CACFD1: variants seen among roughly 807,000 people sequenced by gnomAD.
The protein encoded by CACFD1 is calcium channel flower homolog.
CACFD1 carries 26 observed loss-of-function variants against 21.3 expected under a neutral mutation model. That is an observed-to-expected ratio of 1.22 (90% CI 0.89 to 1.69). The LOEUF is 1.69. Ranked by LOEUF, CACFD1 falls within the 40% of genes most tolerant of loss-of-function variation. CACFD1 has a pLI of 0.00. For synonymous variants in CACFD1, 121 were observed against 106.6 expected (o/e 1.13, Z -0.83); for missense variants, 265 against 236.2 (o/e 1.12, Z -0.80).
At chr9:133,463,633 T>C (rs1454870901) in intron 2 of CACFD1, 78 bp downstream of exon 2, 2 of 1,475,562 alleles carry the variant, frequency 1.4e-6, no homozygotes. Flanking sequence ...GACAGAGGAG[T>C]GGCAGGGGCC....
chr9:133,468,500 G>A, intron 4 of CACFD1, 63 bp from the exon 5 acceptor site: 3 of 1,546,460 alleles, frequency 1.9e-6, no homozygotes, highest in South Asian at 1.2e-5. Context: ...ACCGGGCAGT[G>A]GTCAGGAGGG....
Position 133,460,081 on chromosome 9 carries a change from T to G in CACFD1, c.15T>G (p.Gly5=), listed in dbSNP as rs28516935. ...ACGGTGGCACCATGAGCAGCTCAGG[T>G]GGGGCGCCCGGGGCGTCCGCCAGCT... MSSS[G]GAPGASASSA... is the part of the protein sequence containing the mutation. Residue 5 remains glycine, a synonymous_variant, in exon 1 of 5, where the codon GGT becomes GGG. Coordinates refer to ENST00000316948, the MANE Select transcript of CACFD1 (RefSeq NM_017586.5). The G allele has an allele frequency of 1.4e-5, 22 of 1,563,754 alleles. No individual in the cohort carries two copies. The highest frequency in any genetic ancestry group is 1.9e-5 in the Non-Finnish European group (22 of 1,154,386).
In CACFD1 at chr9:133,460,167, CTG is replaced by C. The variant is rs1843075752; in HGVS notation, c.102_103del (p.Val36AlafsTer39). The C allele has an allele frequency of 6.4e-7, 1 of 1,555,192 alleles. No individual in the cohort carries two copies. Among genetic ancestry groups the C allele is most frequent in the Non-Finnish European group, 8.7e-7 (1 of 1,149,924 alleles). On this transcript the variant is annotated frameshift_variant, in exon 1 of 5. Transcript: ENST00000316948. LOFTEE classifies it high-confidence loss of function. ...TGGTACCGCTGGCTGTGTCGCCTGT[CTG>C]GGGTGCTGGGGGCAGTCTGTGAGTA...
chr9:133,468,760 C>A lies in CACFD1; in HGVS notation c.*107C>A, dbSNP rs889917257. The A allele has an allele frequency of 1.4e-6, 2 of 1,441,882 alleles. No individual in the cohort carries two copies. The highest frequency in any genetic ancestry group is 2.9e-5 in the South Asian group (2 of 69,860). The allele number at this position is 1,441,882 out of a possible 1,614,324, so 89.3% of individuals were successfully genotyped here. On this transcript the variant is annotated 3_prime_UTR_variant, in exon 5 of 5. Coordinates refer to ENST00000316948, the MANE Select transcript of CACFD1 (RefSeq NM_017586.5). ...CACAGCCTGGAGAGGGGCCTTTGCA[C>A]GTGTCCCTACACCTGGAGTCCTCTG...
At chr9:133,461,301 T>TG (rs1843205230) in intron 1 of CACFD1, among the ~76,000 whole-genome samples, 1 of 152,174 alleles carries the variant, frequency 6.6e-6, no homozygotes, top group Non-Finnish European at 1.5e-5. Flanking sequence ...GCTAGGAGTG[T>TG]GCTGCCCTCG....
At chr9:133,461,756 G>C in intron 1 of CACFD1, 1 of 520,210 alleles carries the variant, frequency 1.9e-6, no homozygotes, top group East Asian at 1.5e-4. Flanking sequence ...TGAGTTGTCA[G>C]TTGCATCTGC....
rs199903701 is a variant in CACFD1, at chr9:133,460,160, C to A, written c.94C>A (p.Arg32Ser). 881 of 1,557,700 alleles carry A rather than the reference C, an allele frequency of 5.7e-4. No individual in the cohort carries two copies. The highest frequency in any genetic ancestry group is 6.5e-4 in the Non-Finnish European group (748 of 1,151,124). ...GMTWWYRWLC[R>S]LSGVLGAVSC... The stretch of plus-strand genomic sequence containing the variant: ...GACGTGGTGGTACCGCTGGCTGTGT[C>A]GCCTGTCTGGGGTGCTGGGGGCAGT... Residue 32 changes from arginine to serine, a missense_variant, in exon 1 of 5, where the codon CGC (arginine) becomes AGC (serine). Arg to Ser is a moderately radical substitution (Grantham distance 110). Coordinates refer to ENST00000316948, the MANE Select transcript of CACFD1 (RefSeq NM_017586.5).
At position 133,470,233 on chromosome 9, in the gene CACFD1, A is replaced by G. The variant is rs867002066; in HGVS notation, c.*1580A>G. The G allele has an allele frequency of 2.0e-5, 3 of 149,602 alleles. No individual in the cohort carries two copies. Among genetic ancestry groups the G allele is most frequent in the African/African-American group, 7.5e-5 (3 of 40,226 alleles). The allele number at this position is 149,602 out of a possible 1,614,324, so 9.3% of individuals were successfully genotyped here. On this transcript the variant is annotated 3_prime_UTR_variant, in exon 5 of 5. Transcript: ENST00000316948. ...TGTGTGTGTGTGTGTGTGTATGTAT[A>G]TGTGTGTGGGTGCACACATCTGTCC...
rs587624188 is a variant in CACFD1, at chr9:133,460,044, G to C, written c.-23G>C. 4.5e-6 allele frequency: 7 copies of C among 1,545,224 alleles called. No individual in the cohort carries two copies. The African/African-American group carries it at 8.3e-5, about 18-fold the overall frequency. On this transcript the variant is annotated 5_prime_UTR_variant, in exon 1 of 5. Transcript: ENST00000316948. The stretch of plus-strand genomic sequence containing the variant: ...CTACCGAGCCCTTTGTGAGGGCTGT[G>C]AGCTGCGCCTGACGGTGGCACCATG...
chr9:133,467,910 T>C lies in CACFD1; in HGVS notation c.321-11T>C. 2 of 1,607,158 alleles carry C rather than the reference T, an allele frequency of 1.2e-6. No homozygotes were observed. Among genetic ancestry groups the C allele is most frequent in the South Asian group, 1.1e-5 (1 of 90,914 alleles). On this transcript the variant is annotated splice_polypyrimidine_tract_variant and intron_variant, in intron 3 of 4. Coordinates refer to ENST00000316948, the MANE Select transcript of CACFD1 (RefSeq NM_017586.5). ...GCCGGAGTGCCCCCTTGACCTCTGC[T>C]TTCCCCCCAGGATGGCGGTCGTTCC... is the stretch of plus-strand genomic sequence containing the variant.
At position 133,468,029 on chromosome 9, in the gene CACFD1, G is replaced by A; in HGVS notation, c.428+1G>A. ...ACGGACTCTCTGCTCTGGGCAAAAA[G>A]TGCGTCTGCCAGGCCCAGCCCCTGG... On this transcript the variant is annotated splice_donor_variant, in intron 4 of 4. Coordinates refer to ENST00000316948, the MANE Select transcript of CACFD1 (RefSeq NM_017586.5). LOFTEE classifies it high-confidence loss of function. 1 of 1,612,436 alleles carries A rather than the reference G, an allele frequency of 6.2e-7. No individual in the cohort carries two copies. The highest frequency in any genetic ancestry group is 8.5e-7 in the Non-Finnish European group (1 of 1,178,856).
chr9:133,460,216 G>A, intron 1 of CACFD1, 29 bp downstream of exon 1: 2 of 1,501,624 alleles, frequency 1.3e-6, no homozygotes, highest in African/African-American at 1.4e-5. Context: ...AGAGGGGCCG[G>A]CCCCGCCGCG....
chr9:133,463,087 G>A (rs1554798839), intron 1 of CACFD1, among the ~76,000 whole-genome samples: 2 of 152,216 alleles, frequency 1.3e-5, no homozygotes, highest in African/African-American at 4.8e-5. Flanking sequence ...GACCCTTACC[G>A]AAGGCTGAGT....
chr9:133,468,380 A>G (rs902499124), intron 4 of CACFD1, 183 bp from the exon 5 acceptor site: 62 of 1,535,726 alleles, frequency 4.0e-5, no homozygotes, highest in Non-Finnish European at 5.4e-5. Flanking sequence ...CCAGCATCCC[A>G]GGGAGCCTGG....
intron 1 of CACFD1, 148 bp downstream of exon 1, chr9:133,460,335 G>A: frequency 4.3e-6 from 3 of 698,644 alleles, no homozygotes; most frequent in Non-Finnish European, 4.1e-6. Context: ...GAGGAATGGC[G>A]GGGCCGCCGG....
chr9:133,465,652 C>T lies in CACFD1; in HGVS notation c.320+205C>T. 1 of 586,088 alleles carries T rather than the reference C, an allele frequency of 1.7e-6. No individual in the cohort carries two copies. The highest frequency in any genetic ancestry group is 3.1e-5 in the Admixed American group (1 of 32,040). 36.3% of individuals were successfully genotyped at this position (586,088 alleles called of 1,614,324 possible). On this transcript the variant is annotated intron_variant, in intron 3 of 4. Transcript: ENST00000316948. This position sits in a 1 kb window ranked among gnomAD's most constrained non-coding sequence, Gnocchi z 5.0. ...TCTGCGCCCAGGAACTCAGCTGTCGCTGTGCCGTAGTCACTGGAAGGTTCA... is the reference window on the plus strand; with the variant it reads ...TCTGCGCCCAGGAACTCAGCTGTCGTTGTGCCGTAGTCACTGGAAGGTTCA...
At chr9:133,461,746 T>G in intron 1 of CACFD1, 10 of 412,348 alleles carry the variant, frequency 2.4e-5, no homozygotes, top group Non-Finnish European at 3.3e-5. Flanking sequence ...GGCATTGCCC[T>G]GAGTTGTCAG....
At position 133,460,046 on chromosome 9, in the gene CACFD1, G is replaced by A. The variant is rs1202121125; in HGVS notation, c.-21G>A. The A allele has an allele frequency of 8.4e-6, 13 of 1,546,246 alleles. No homozygotes were observed. Among genetic ancestry groups the A allele is most frequent in the Admixed American group, 3.8e-5 (2 of 52,344 alleles). On this transcript the variant is annotated 5_prime_UTR_variant, in exon 1 of 5. Coordinates refer to ENST00000316948, the MANE Select transcript of CACFD1 (RefSeq NM_017586.5). ...ACCGAGCCCTTTGTGAGGGCTGTGA[G>A]CTGCGCCTGACGGTGGCACCATGAG...
In CACFD1 at chr9:133,468,788, C is replaced by A; in HGVS notation, c.*135C>A. ...GTCCCTACACCTGGAGTCCTCTGCT[C>A]CTTTCTCCAGACTGGCTTAAGCCAG... On this transcript the variant is annotated 3_prime_UTR_variant, in exon 5 of 5. Coordinates refer to ENST00000316948, the MANE Select transcript of CACFD1 (RefSeq NM_017586.5). 7.1e-7 allele frequency: 1 copy of A among 1,399,788 alleles called. No individual in the cohort carries two copies. Among genetic ancestry groups the A allele is most frequent in the East Asian group, 2.5e-5 (1 of 39,522 alleles). The allele number at this position is 1,399,788 out of a possible 1,614,324, so 86.7% of individuals were successfully genotyped here.
Sources: gnomAD v4.1 joint callset for allele counts (sites outside exome capture counted in the v4.1 genomes callset) on GRCh38, gnomAD v4.1.1 for gene constraint, Gnocchi (gnomAD v3.1) non-coding constraint, MANE v1.5 for transcripts, NCBI Gene and HGNC (gene_info 2026-07-23, HGNC 2026-07-21) for gene names.